The following CDH13 variants were observed in gnomAD, a reference collection of about 807,000 sequenced individuals.
CDH13 encodes cadherin-13.
CDH13 carries 24 observed loss-of-function variants against 63.8 expected under a neutral mutation model. That is an observed-to-expected ratio of 0.38 (90% CI 0.27 to 0.53). CDH13 has a LOEUF of 0.53. Ranked by LOEUF, CDH13 falls within the 20% of genes least tolerant of loss-of-function variation. CDH13 has a pLI of 0.85. For synonymous variants in CDH13, 503 were observed against 355.3 expected, an observed-to-expected ratio of 1.42 and a Z score of -4.67; for missense variants, 1,049 against 903.1, an observed-to-expected ratio of 1.16 and a Z score of -2.07.
intron 1 of CDH13, among the ~76,000 whole-genome samples, chr16:82,675,013 C>T (rs1032696772): frequency 1.4e-4 from 22 of 151,896 alleles, no homozygotes; most frequent in African/African-American, 4.6e-4. Context: ...TTTAGAATAC[C>T]CCTGGATACC....
intron 7 of CDH13, among the ~76,000 whole-genome samples, chr16:83,597,752 T>C (rs1306033586): frequency 6.6e-6 from 1 of 152,244 alleles, no homozygotes; most frequent in Non-Finnish European, 1.5e-5. Flanking sequence ...AGTCTATTTC[T>C]CATTATAGGT....
intron 5 of CDH13, among the ~76,000 whole-genome samples, chr16:83,287,400 G>C (rs2089345557): frequency 6.6e-6 from 1 of 152,204 alleles, no homozygotes; most frequent in Admixed American, 6.5e-5. Context: ...AAGCAAGCAA[G>C]CCAAGCTTCA....
chr16:83,216,441 T>TACACACAC (rs1184326880), intron 4 of CDH13, among the ~76,000 whole-genome samples: 5 of 111,222 alleles, frequency 4.5e-5, no homozygotes, highest in African/African-American at 1.6e-4. Flanking sequence ...TATATATATA[T>TACACACAC]ATACACAACC....
chr16:82,884,822 A>G (rs1409318521), intron 2 of CDH13, among the ~76,000 whole-genome samples: 2 of 152,200 alleles, frequency 1.3e-5, no homozygotes, highest in Admixed American at 1.3e-4. Flanking sequence ...CAGCAGCCAT[A>G]TTATTTTCTT....
At chr16:82,845,362 C>T (rs1050622273) in intron 1 of CDH13, among the ~76,000 whole-genome samples, 2 of 152,202 alleles carry the variant, frequency 1.3e-5, no homozygotes, top group Non-Finnish European at 1.5e-5. Flanking sequence ...ATTAGCCAAG[C>T]TCCTGCAGTG....
At chr16:83,039,526 T>G (rs930126244) in intron 3 of CDH13, among the ~76,000 whole-genome samples, 2 of 152,164 alleles carry the variant, frequency 1.3e-5, no homozygotes, top group African/African-American at 4.8e-5. Flanking sequence ...AATTATGTAT[T>G]TACTTTCTTG....
intron 5 of CDH13, among the ~76,000 whole-genome samples, chr16:83,310,260 T>G (rs1254169701): frequency 6.6e-6 from 1 of 152,148 alleles, no homozygotes; most frequent in Non-Finnish European, 1.5e-5. Flanking sequence ...AGTGGGAAAA[T>G]TAGATGCCTG....
intron 1 of CDH13, among the ~76,000 whole-genome samples, chr16:82,757,629 C>T (rs912212374): frequency 1.0e-5 from 1 of 95,894 alleles, no homozygotes; most frequent in African/African-American, 2.8e-5. Flanking sequence ...TTGGTAATAA[C>T]GCCATAGCTT....
At chr16:82,750,811 A>T (rs188184238) in intron 1 of CDH13, among the ~76,000 whole-genome samples, 1 of 152,094 alleles carries the variant, frequency 6.6e-6, no homozygotes, top group East Asian at 1.9e-4. Context: ...CTAGGCAAAG[A>T]CTCTGATTTC....
At chr16:82,685,695 A>G (rs1385252962) in intron 1 of CDH13, among the ~76,000 whole-genome samples, 1 of 152,192 alleles carries the variant, frequency 6.6e-6, no homozygotes, top group African/African-American at 2.4e-5. Context: ...GGGGGCCAGC[A>G]GGTGTTCAAC....
chr16:83,628,388 G>A (rs1453558889), intron 8 of CDH13, among the ~76,000 whole-genome samples: 3 of 152,154 alleles, frequency 2.0e-5, no homozygotes, highest in African/African-American at 7.2e-5. Context: ...GATTACAGAT[G>A]TGAGCCCCGG....
chr16:83,478,682 A>C (rs1276536115), intron 6 of CDH13, among the ~76,000 whole-genome samples: 2 of 151,902 alleles, frequency 1.3e-5, no homozygotes, highest in Non-Finnish European at 2.9e-5. Context: ...CTTTTCCCCA[A>C]AATTGGGCTG....
In CDH13 at chr16:83,139,262, G is replaced by A. The variant is rs117892052; in HGVS notation, c.483+13761G>A. Among the ~76,000 whole-genome samples, 764 of 152,324 alleles carry A rather than the reference G, an allele frequency of 5.0e-3. 2 individuals are homozygous for A. The highest frequency in any genetic ancestry group is 7.9e-3 in the Non-Finnish European group (540 of 68,038). The stretch of plus-strand genomic sequence containing the variant: ...TTGAGGGAACACCAGCGTGTCACAC[G>A]TCTCTTCCCAGTGTCCCTGACTCAT... On this transcript the variant is annotated intron_variant, in intron 4 of 13. Transcript: ENST00000567109.
At chr16:83,518,869 T>C (rs1290746395) in intron 7 of CDH13, among the ~76,000 whole-genome samples, 1 of 152,218 alleles carries the variant, frequency 6.6e-6, no homozygotes, top group African/African-American at 2.4e-5. Flanking sequence ...TTCACCATGA[T>C]TGTACGTTTC....
intron 1 of CDH13, among the ~76,000 whole-genome samples, chr16:82,633,680 G>A (rs946627878): frequency 2.0e-5 from 3 of 152,172 alleles, no homozygotes; most frequent in Non-Finnish European, 2.9e-5. Flanking sequence ...GCCTGGCCAA[G>A]TACCCTTATC....
At chr16:83,411,328 C>G (rs1022744628) in intron 6 of CDH13, among the ~76,000 whole-genome samples, 1 of 152,154 alleles carries the variant, frequency 6.6e-6, no homozygotes, top group Non-Finnish European at 1.5e-5. Context: ...CATTAAACCT[C>G]CCACTTTTCT....
chr16:82,725,609 C>A (rs575849686), intron 1 of CDH13, among the ~76,000 whole-genome samples: 1 of 152,280 alleles, frequency 6.6e-6, no homozygotes, highest in East Asian at 1.9e-4. Context: ...TGCTAGATAT[C>A]CTCATTTTGA....
At chr16:83,062,328 C>G (rs985422339) in intron 3 of CDH13, among the ~76,000 whole-genome samples, 1 of 152,124 alleles carries the variant, frequency 6.6e-6, no homozygotes, top group Non-Finnish European at 1.5e-5. Flanking sequence ...TTTTTAAAAG[C>G]GTTGTTTCTT....
chr16:82,872,106 G>T (rs1030941648), intron 2 of CDH13, among the ~76,000 whole-genome samples: 1 of 152,190 alleles, frequency 6.6e-6, no homozygotes, highest in African/African-American at 2.4e-5. Flanking sequence ...CGTTCTAAGG[G>T]TATTGTGCTC....
Sources: gnomAD v4.1 joint callset for allele counts (sites outside exome capture counted in the v4.1 genomes callset) on GRCh38, gnomAD v4.1.1 for gene constraint, MANE v1.5 for transcripts, NCBI Gene and HGNC (gene_info 2026-07-23, HGNC 2026-07-21) for gene names.